Variants in TNFSF14 observed in about 807,000 individuals in gnomAD.
The protein encoded by TNFSF14 is TNF superfamily member 14.
A neutral mutation model predicts 22.7 loss-of-function variants in TNFSF14; 15 were observed. The observed-to-expected ratio is 0.66, with a 90% confidence interval of 0.44 to 1.02. The LOEUF (loss-of-function observed/expected upper bound fraction) is 1.02, where lower values mean the gene tolerates loss of function less well. TNFSF14 is among the 50% of genes least tolerant of loss of function. TNFSF14 has a pLI of 0.00. For missense variants in TNFSF14, 287 were observed against 326.2 expected (o/e 0.88, Z 0.93); for synonymous variants, 133 against 139.6 (o/e 0.95, Z 0.33).
intron 3 of TNFSF14, among the ~76,000 whole-genome samples, chr19:6,665,666 C>T (rs987189728): frequency 2.6e-5 from 4 of 152,090 alleles, no homozygotes; most frequent in Non-Finnish European, 5.9e-5. Flanking sequence ...GCCTCGGCCT[C>T]CCAGAGTGCT....
At chr19:6,666,801 G>A (rs1435311908) in intron 3 of TNFSF14, among the ~76,000 whole-genome samples, 1 of 152,114 alleles carries the variant, frequency 6.6e-6, no homozygotes, top group African/African-American at 2.4e-5. Flanking sequence ...GGGAGGCTGA[G>A]GCAGAAGAAT....
intron 1 of TNFSF14, 136 bp from the exon 2 acceptor site, chr19:6,667,585 C>T (rs1045892110): frequency 3.2e-6 from 3 of 940,754 alleles, no homozygotes; most frequent in Non-Finnish European, 3.1e-6. Context: ...GCCACATACT[C>T]TCACTTGCAG....
chr19:6,668,317 C>T (rs910861388), intron 1 of TNFSF14, among the ~76,000 whole-genome samples: 30 of 151,704 alleles, frequency 2.0e-4, no homozygotes, highest in Admixed American at 7.9e-4. Context: ...GAGCTATGAT[C>T]GTGCCACTCC....
intron 3 of TNFSF14, 114 bp downstream of exon 3, chr19:6,666,999 T>A: frequency 1.7e-6 from 2 of 1,158,270 alleles, no homozygotes; most frequent in Non-Finnish European, 2.5e-6. Flanking sequence ...TCTGAGCAAC[T>A]CTGTGAGTAA....
rs34381198 is a variant in TNFSF14 at position 6,669,737 on chromosome 19, TACACACACAC to T, written c.219+104_219+113del. The T allele has an allele frequency of 1.1e-3, 1,307 of 1,231,930 alleles. 1 individual carries two copies. In the East Asian group the frequency reaches 0.027, roughly 26 times the overall value. 76.3% of individuals were successfully genotyped at this position (1,231,930 alleles called of 1,614,324 possible). A position where few individuals can be genotyped will look rare whatever the true frequency, so the allele number is the denominator to read the frequency against. On this transcript the variant is annotated intron_variant, in intron 1 of 3. Transcript: ENST00000675206. The stretch of plus-strand genomic sequence containing the variant: ...GCTGCTCTCAGCCTGTGCCCTGTCC[TACACACACAC>T]ACACACACACACACACACACACACA...
In TNFSF14 at chr19:6,666,051, T is replaced by C. The variant is rs569718338; in HGVS notation, c.299-701A>G. On this transcript the variant is annotated intron_variant, in intron 3 of 3. Transcript: ENST00000675206. ...ATCTCAACTCTTTGCATCCCTCTTT[T>C]GCAGGTGGGGAAACTGAGGCATGGA... Among the ~76,000 whole-genome samples the C allele has an allele frequency of 2.0e-5, 3 of 152,140 alleles. No individual in the cohort carries two copies. In the East Asian group the frequency reaches 5.8e-4, roughly 29 times the overall value.
chr19:6,665,176 A>G lies in TNFSF14; in HGVS notation c.473T>C (p.Leu158Pro), dbSNP rs1917374888. 1 of 1,614,146 alleles carries G rather than the reference A, an allele frequency of 6.2e-7. No homozygotes were observed. The highest frequency in any genetic ancestry group is 8.5e-7 in the Non-Finnish European group (1 of 1,180,020). ...GAGGCCGTGGGTGATGGTGCTGGCC[A>G]GGCCCAGCGGGCAGCCCACACCGCC... is the stretch of plus-strand genomic sequence containing the variant. ...QLGGVGCPLG[L>P]ASTITHGLYK... The change falls in exon 4 of 4, where the codon CTG becomes CCG. Residue 158 changes from leucine to proline, a missense_variant. Leu to Pro is a moderately conservative substitution (Grantham distance 98). Coordinates refer to ENST00000675206, the MANE Select transcript of TNFSF14 (RefSeq NM_001376887.1).
chr19:6,670,264 C>A, upstream of TNFSF14: 1 of 1,433,184 alleles, frequency 7.0e-7, no homozygotes, highest in African/African-American at 1.4e-5. Context: ...CGGTCTTGGC[C>A]CTGTCTCACT....
Sources: gnomAD v4.1 joint callset for allele counts (sites outside exome capture counted in the v4.1 genomes callset) on GRCh38, gnomAD v4.1.1 for gene constraint, MANE v1.5 for transcripts, NCBI Gene and HGNC (gene_info 2026-07-23, HGNC 2026-07-21) for gene names.